The following SESN2 variants were observed in gnomAD, a reference collection of about 807,000 sequenced individuals.
SESN2 encodes sestrin 2.
Under a neutral mutation model 56.0 loss-of-function variants are expected in SESN2, and 42 were observed. That is an observed-to-expected ratio of 0.75 (90% CI 0.59 to 0.97). SESN2 has a LOEUF of 0.97. Among genes scored for constraint, SESN2 ranks in the 50% least tolerant of loss-of-function variants. The pLI is 0.00. For missense variants in SESN2, 507 were observed against 649.4 expected, an observed-to-expected ratio of 0.78 and a Z score of 2.38; for synonymous variants, 264 against 267.1, an observed-to-expected ratio of 0.99 and a Z score of 0.11.
chr1:28,259,976 C>G (rs948439914), intron 1 of SESN2, 39 bp downstream of exon 1: 4 of 1,431,750 alleles, frequency 2.8e-6, no homozygotes, highest in Non-Finnish European at 3.7e-6. Context: ...TCCCTGGAAC[C>G]CCGAACCGCG....
Position 28,259,873 on chromosome 1 carries a change from G to A in SESN2, c.26G>A (p.Arg9His), listed in dbSNP as rs771428702. 18 of 1,416,748 alleles carry A rather than the reference G, an allele frequency of 1.3e-5. No individual in the cohort carries two copies. The highest frequency in any genetic ancestry group is 1.7e-5 in the Non-Finnish European group (18 of 1,086,920). 87.8% of individuals were successfully genotyped at this position (1,416,748 alleles called of 1,614,324 possible). A position where few individuals can be genotyped will look rare whatever the true frequency, so the allele number is the denominator to read the frequency against. ...ATGATCGTGGCGGACTCCGAGTGCC[G>A]CGCAGAGCTCAAGGACTACCTGCGG... MIVADSEC[R>H]AELKDYLRFA... Residue 9 changes from arginine (R) to histidine (H), a missense_variant, in exon 1 of 10, where the codon CGC (arginine) becomes CAC (histidine). Physicochemically the swap from Arg to His is conservative, Grantham distance 29. Coordinates refer to ENST00000253063, the MANE Select transcript of SESN2 (RefSeq NM_031459.5).
At position 28,272,284 on chromosome 1, in the gene SESN2, G is replaced by A. The variant is rs1384656640; in HGVS notation, c.355G>A (p.Ala119Thr). The stretch of plus-strand genomic sequence containing the variant: ...CAGGCTGTGTCCACTACCTCCGCAG[G>A]CTGCCGCCCGCCATCAGTGTTCTTA... ...SSWRHYIAIM[A>T]AARHQCSYLV... The change falls in exon 4 of 10, where the codon GCT (alanine) becomes ACT (threonine). Residue 119 changes from alanine to threonine, a missense_variant and splice_region_variant. Coordinates refer to ENST00000253063, the MANE Select transcript of SESN2 (RefSeq NM_031459.5). 9 of 1,613,664 alleles carry A rather than the reference G, an allele frequency of 5.6e-6. No individual in the cohort carries two copies. Among genetic ancestry groups the A allele is most frequent in the Non-Finnish European group, 7.6e-6 (9 of 1,179,848 alleles).
rs774018544 is a variant in SESN2 at position 28,279,106 on chromosome 1, C to T, written c.1221C>T (p.Asp407=). 7.4e-6 allele frequency: 12 copies of T among 1,614,158 alleles called. No individual in the cohort carries two copies. The South Asian group carries it at 1.1e-4, about 15-fold the overall frequency. ...IHCVFGIRYD[D]YDYGEVNQLL... is the part of the protein sequence containing the mutation. ...GGACCTTTCCATCCAGATATGATGACTATGATTATGGGGAGGTGAACCAGC... is the reference window on the plus strand; with the variant it reads ...GGACCTTTCCATCCAGATATGATGATTATGATTATGGGGAGGTGAACCAGC... The change falls in exon 9 of 10, where the codon GAC becomes GAT. Residue 407 remains aspartate, a synonymous_variant. Coordinates refer to ENST00000253063, the MANE Select transcript of SESN2 (RefSeq NM_031459.5).
chr1:28,273,297 T>G, intron 5 of SESN2, 61 bp from the exon 6 acceptor site: 2 of 1,471,382 alleles, frequency 1.4e-6, no homozygotes, highest in Non-Finnish European at 1.8e-6. Flanking sequence ...GAAGGATGAG[T>G]GGAGCTTCCC....
intron 1 of SESN2, among the ~76,000 whole-genome samples, chr1:28,260,328 C>T (rs1007508294): frequency 1.3e-5 from 2 of 152,254 alleles, no homozygotes; most frequent in South Asian, 2.1e-4. Flanking sequence ...CCAGACCACT[C>T]CTCCTCCCCG....
chr1:28,272,463 C>T lies in SESN2; in HGVS notation c.534C>T (p.Ile178=). The T allele has an allele frequency of 6.2e-7, 1 of 1,612,870 alleles. No homozygotes were observed. The highest frequency in any genetic ancestry group is 1.1e-5 in the South Asian group (1 of 91,078). The change falls in exon 4 of 10, where the codon ATC becomes ATT. Residue 178 remains isoleucine, a synonymous_variant. Coordinates refer to ENST00000253063, the MANE Select transcript of SESN2 (RefSeq NM_031459.5). The stretch of plus-strand genomic sequence containing the variant: ...CATGGCTCATCACCAAGGAACACAT[C>T]CAGGTGCAGGGGGCAGAGAGGCGGG... ...HRPWLITKEH[I]QALLKTGEHT...
intron 2 of SESN2, among the ~76,000 whole-genome samples, chr1:28,269,813 A>G (rs1647694746): frequency 6.6e-6 from 1 of 152,198 alleles, no homozygotes; most frequent in Admixed American, 6.6e-5. Flanking sequence ...TAATACAAGA[A>G]AGACATCTTT....
rs746465048 is a variant in SESN2, at chr1:28,272,352, T to G, written c.423T>G (p.Gly141=). 20 of 1,614,012 alleles carry G rather than the reference T, an allele frequency of 1.2e-5. No individual in the cohort carries two copies. The highest frequency in any genetic ancestry group is 1.6e-5 in the Non-Finnish European group (19 of 1,179,998). ...SHMAEFLQTG[G]DPEWLLGLHR... ...TGGCCGAGTTTCTGCAGACTGGTGG[T>G]GACCCTGAGTGGCTGCTGGGCCTCC... The change falls in exon 4 of 10, where the codon GGT becomes GGG. Residue 141 remains glycine (G), a synonymous_variant. Transcript: ENST00000253063.
rs769967309 is a variant in SESN2, at chr1:28,269,217, G to A, written c.125G>A (p.Arg42Gln). Reference protein sequence around the residue: ...QRESRARRGPRGPSAFIPVEE... With the variant: ...QRESRARRGPQGPSAFIPVEE... The stretch of plus-strand genomic sequence containing the variant: ...GAGAGCCGGGCTCGGCGAGGCCCTC[G>A]AGGGCCCAGCGCCTTCATCCCCGTG... Residue 42 changes from arginine to glutamine, a missense_variant, in exon 2 of 10, where the codon CGA (arginine) becomes CAA (glutamine). Coordinates refer to ENST00000253063, the MANE Select transcript of SESN2 (RefSeq NM_031459.5). 3.1e-6 allele frequency: 5 copies of A among 1,612,984 alleles called. No individual in the cohort carries two copies. The highest frequency in any genetic ancestry group is 3.4e-6 in the Non-Finnish European group (4 of 1,179,598).
chr1:28,277,915 G>C (rs1309150938), intron 8 of SESN2, among the ~76,000 whole-genome samples: 1 of 152,128 alleles, frequency 6.6e-6, no homozygotes, highest in Non-Finnish European at 1.5e-5. Flanking sequence ...CAGCCCTCAG[G>C]TCCAGGCTTC....
At chr1:28,262,415 G>A (rs574026027) in intron 1 of SESN2, among the ~76,000 whole-genome samples, 1 of 152,256 alleles carries the variant, frequency 6.6e-6, no homozygotes, top group East Asian at 1.9e-4. Flanking sequence ...GGCCGAGGCA[G>A]ATGGATTGCT....
chr1:28,280,039 T>G (rs969155066), intron 9 of SESN2, among the ~76,000 whole-genome samples: 1 of 151,882 alleles, frequency 6.6e-6, no homozygotes, highest in Non-Finnish European at 1.5e-5. Flanking sequence ...GGTCTCACTG[T>G]GTTGTCCATC....
chr1:28,265,067 C>T (rs1050655221), intron 1 of SESN2, among the ~76,000 whole-genome samples: 3 of 152,182 alleles, frequency 2.0e-5, no homozygotes, highest in Non-Finnish European at 2.9e-5. Context: ...AGCCTTGTTC[C>T]TCATCTGTAA....
chr1:28,278,290 C>T (rs1337101615), intron 8 of SESN2, among the ~76,000 whole-genome samples: 1 of 152,188 alleles, frequency 6.6e-6, no homozygotes, highest in Non-Finnish European at 1.5e-5. Context: ...CATTCCTGTC[C>T]AGGCGTGGTG....
In SESN2 at chr1:28,279,158, A is replaced by G. The variant is rs371133353; in HGVS notation, c.1273A>G (p.Ile425Val). ...QLLERNLKVY[I>V]KTVACYPEKT... ...CCTGGAGCGGAACCTCAAGGTCTAT[A>G]TCAAGACAGTGGCCTGCTACCCAGA... Residue 425 changes from isoleucine (I) to valine (V), a missense_variant, in exon 9 of 10, where the codon ATC becomes GTC. Coordinates refer to ENST00000253063, the MANE Select transcript of SESN2 (RefSeq NM_031459.5). 4 of 1,614,064 alleles carry G rather than the reference A, an allele frequency of 2.5e-6. No homozygotes were observed. Among genetic ancestry groups the G allele is most frequent in the Non-Finnish European group, 3.4e-6 (4 of 1,180,020 alleles).
At chr1:28,277,596 T>C (rs1323736687) in intron 8 of SESN2, among the ~76,000 whole-genome samples, 3 of 152,206 alleles carry the variant, frequency 2.0e-5, no homozygotes, top group South Asian at 4.1e-4. Flanking sequence ...CCTTACCTAT[T>C]CATTTCAGTT....
chr1:28,276,881 T>C (rs1347305055), intron 8 of SESN2, among the ~76,000 whole-genome samples: 1 of 138,274 alleles, frequency 7.2e-6, no homozygotes, highest in African/African-American at 2.6e-5. Flanking sequence ...GCCCAGCCTT[T>C]TTTTTTTTTT....
chr1:28,266,263 T>C (rs1647556229), intron 1 of SESN2, among the ~76,000 whole-genome samples: 1 of 152,152 alleles, frequency 6.6e-6, no homozygotes, highest in Non-Finnish European at 1.5e-5. Context: ...ACCTTGGCAT[T>C]GTTATTTTTG....
chr1:28,262,985 T>G (rs769053282), intron 1 of SESN2, among the ~76,000 whole-genome samples: 5 of 152,220 alleles, frequency 3.3e-5, no homozygotes, highest in Non-Finnish European at 5.9e-5. Context: ...AGGGAAGCCC[T>G]TCCTCCCCCA....
Sources: allele counts gnomAD v4.1 joint callset (sites outside exome capture counted in the v4.1 genomes callset), GRCh38; gene constraint gnomAD v4.1.1; transcripts MANE v1.5; gene names NCBI Gene and HGNC (gene_info 2026-07-23, HGNC 2026-07-21).